VTI1A: variants seen among roughly 807,000 people sequenced by gnomAD.
VTI1A encodes the protein vesicle transport through interaction with t-SNAREs homolog 1A.
A neutral mutation model predicts 34.9 loss-of-function variants in VTI1A; 22 were observed. The observed-to-expected ratio is 0.63, with a 90% CI of 0.45 to 0.90. VTI1A has a LOEUF of 0.90. VTI1A is among the 40% of genes least tolerant of loss of function. The pLI is 0.00. For missense variants in VTI1A, 268 were observed against 275.6 expected, an observed-to-expected ratio of 0.97 and a Z score of 0.20; for synonymous variants, 87 against 97.3, an observed-to-expected ratio of 0.89 and a Z score of 0.62.
chr10:112,679,740 G>T (rs1180492174), intron 7 of VTI1A, among the ~76,000 whole-genome samples: 1 of 151,568 alleles, frequency 6.6e-6, no homozygotes, highest in East Asian at 1.9e-4. Context: ...ATCTTCCAAT[G>T]GCTTAATGAT....
At chr10:112,717,078 C>T (rs2133932655) in intron 7 of VTI1A, among the ~76,000 whole-genome samples, 1 of 152,294 alleles carries the variant, frequency 6.6e-6, no homozygotes. Flanking sequence ...GCCCTAAGCT[C>T]CTCTGTATGG....
At chr10:112,641,932 G>C (rs539775579) in intron 5 of VTI1A, among the ~76,000 whole-genome samples, 2 of 152,254 alleles carry the variant, frequency 1.3e-5, no homozygotes, top group Admixed American at 1.3e-4. Flanking sequence ...CCGGAAACAG[G>C]GTACCATTGA....
At chr10:112,699,827 CA>C (rs748925908) in intron 7 of VTI1A, among the ~76,000 whole-genome samples, 1,725 of 107,496 alleles carry the variant, frequency 0.016, 29 homozygotes, top group African/African-American at 0.056. Context: ...AACTCCGTCT[CA>C]AAAAAAAAAA....
intron 5 of VTI1A, among the ~76,000 whole-genome samples, chr10:112,622,935 A>C (rs114067332): frequency 0.016 from 2,508 of 152,312 alleles, 66 homozygotes; most frequent in African/African-American, 0.057. Context: ...GCAATTTCAC[A>C]ATGTGCTATA....
chr10:112,589,518 C>T (rs1011183654), intron 5 of VTI1A, among the ~76,000 whole-genome samples: 2 of 152,026 alleles, frequency 1.3e-5, no homozygotes, highest in Non-Finnish European at 2.9e-5. Flanking sequence ...CTTTATCAGC[C>T]ACGTGAAAAC....
the VTI1A span, among the ~76,000 whole-genome samples, chr10:112,841,800 G>T: frequency 6.6e-6 from 1 of 152,156 alleles, no homozygotes; most frequent in Non-Finnish European, 1.5e-5. Flanking sequence ...TGAGTAGGGT[G>T]TAGTTTCCAG....
At chr10:112,586,072 A>G (rs1277373633) in intron 5 of VTI1A, among the ~76,000 whole-genome samples, 16 of 151,834 alleles carry the variant, frequency 1.1e-4, no homozygotes, top group Admixed American at 9.8e-4. Flanking sequence ...CCAAAATATC[A>G]CAGGGAAGCT....
At chr10:112,611,509 C>A (rs1017993560) in intron 5 of VTI1A, among the ~76,000 whole-genome samples, 1 of 152,100 alleles carries the variant, frequency 6.6e-6, no homozygotes, top group African/African-American at 2.4e-5. Context: ...TCTCAAACTA[C>A]ATGGTAAAAT....
the VTI1A span, among the ~76,000 whole-genome samples, chr10:112,852,738 C>T: frequency 6.6e-6 from 1 of 152,212 alleles, no homozygotes; most frequent in Non-Finnish European, 1.5e-5. Flanking sequence ...CCATTGCATT[C>T]AGTCTGGATA....
At chr10:112,743,013 CGTGTGT>C (rs10612255) in intron 7 of VTI1A, among the ~76,000 whole-genome samples, 1,891 of 141,952 alleles carry the variant, frequency 0.013, 20 homozygotes, top group African/African-American at 0.035. Flanking sequence ...GACCTATTCT[CGTGTGT>C]GTGTGTGTGT....
chr10:112,515,476 A>G (rs1480327901), intron 3 of VTI1A, among the ~76,000 whole-genome samples: 1 of 152,092 alleles, frequency 6.6e-6, no homozygotes, highest in Non-Finnish European at 1.5e-5. Flanking sequence ...AGCCTGAGAT[A>G]TAGTGTAACT....
At chr10:112,738,355 A>G (rs908034326) in intron 7 of VTI1A, among the ~76,000 whole-genome samples, 12 of 151,632 alleles carry the variant, frequency 7.9e-5, no homozygotes, top group African/African-American at 2.9e-4. Context: ...GTGCTTCCTC[A>G]CTCTCCTCTA....
At chr10:112,555,344 A>C (rs1429172777) in intron 5 of VTI1A, among the ~76,000 whole-genome samples, 1 of 152,120 alleles carries the variant, frequency 6.6e-6, no homozygotes, top group East Asian at 1.9e-4. Context: ...CATAATTTTT[A>C]CTTACGTTTG....
intron 7 of VTI1A, among the ~76,000 whole-genome samples, chr10:112,716,476 G>T (rs970145018): frequency 5.9e-5 from 9 of 152,162 alleles, no homozygotes; most frequent in Admixed American, 2.6e-4. Flanking sequence ...ACCCATATGT[G>T]TACACAAGGA....
At chr10:112,770,337 T>C (rs1424331709) in intron 7 of VTI1A, among the ~76,000 whole-genome samples, 1 of 152,092 alleles carries the variant, frequency 6.6e-6, no homozygotes, top group Non-Finnish European at 1.5e-5. Context: ...ACGAAAACAA[T>C]AATTTGGCTG....
chr10:112,640,287 A>G (rs942302524), intron 5 of VTI1A, among the ~76,000 whole-genome samples: 2 of 152,210 alleles, frequency 1.3e-5, no homozygotes, highest in Admixed American at 6.5e-5. Context: ...TTATCTATCT[A>G]TGAAGCATAA....
At chr10:112,609,264 T>C (rs1845202990) in intron 5 of VTI1A, among the ~76,000 whole-genome samples, 1 of 152,150 alleles carries the variant, frequency 6.6e-6, no homozygotes, top group Non-Finnish European at 1.5e-5. Flanking sequence ...AAGAACTCAT[T>C]CTAAGAAAAG....
At chr10:112,494,540 G>A (rs979009467) in intron 3 of VTI1A, among the ~76,000 whole-genome samples, 8 of 150,646 alleles carry the variant, frequency 5.3e-5, no homozygotes, top group African/African-American at 1.5e-4. Flanking sequence ...TCCTTTCCTC[G>A]CTCCGTTGCC....
At chr10:112,512,790 T>C (rs990774052) in intron 3 of VTI1A, among the ~76,000 whole-genome samples, 1 of 152,174 alleles carries the variant, frequency 6.6e-6, no homozygotes, top group Non-Finnish European at 1.5e-5. Context: ...GCACCATTTA[T>C]TGAAGAGCAA....
Sources: gnomAD v4.1 joint callset for allele counts (sites outside exome capture counted in the v4.1 genomes callset) on GRCh38, gnomAD v4.1.1 for gene constraint, MANE v1.5 for transcripts, NCBI Gene and HGNC (gene_info 2026-07-23, HGNC 2026-07-21) for gene names.